The following DLG2 variants were observed in gnomAD, a reference collection of about 807,000 sequenced individuals.
The protein encoded by DLG2 is discs large MAGUK scaffold protein 2, also known as disks large homolog 2.
Under a neutral mutation model 132.5 loss-of-function variants are expected in DLG2, and 45 were observed. The observed-to-expected ratio is 0.34, with a 90% CI of 0.27 to 0.44. The LOEUF (loss-of-function observed/expected upper bound fraction) is 0.44. Among genes scored for constraint, DLG2 ranks in the 20% least tolerant of loss-of-function variants. The pLI, the probability that DLG2 is intolerant of heterozygous loss-of-function variation, is 1.00. For missense variants in DLG2, 1,045 were observed against 1,196.9 expected (o/e 0.87, Z 1.87); for synonymous variants, 424 against 419.6 (o/e 1.01, Z -0.13).
intron 7 of DLG2, among the ~76,000 whole-genome samples, chr11:84,256,075 T>C (rs988315116): frequency 6.6e-6 from 1 of 152,118 alleles, no homozygotes; most frequent in Non-Finnish European, 1.5e-5. Flanking sequence ...TCATGTGACA[T>C]ACAAATGTTC....
At chr11:85,002,209 C>G (rs767625129) in intron 6 of DLG2, among the ~76,000 whole-genome samples, 2 of 152,056 alleles carry the variant, frequency 1.3e-5, no homozygotes. Context: ...TTTTGAGAAG[C>G]TATAATTTCC....
intron 16 of DLG2, among the ~76,000 whole-genome samples, chr11:83,868,709 A>G (rs969524318): frequency 1.3e-5 from 2 of 151,054 alleles, no homozygotes; most frequent in African/African-American, 4.9e-5. Context: ...CAGCGACCCT[A>G]GCAACTAACA....
At chr11:83,532,934 A>G (rs2095792992) in intron 20 of DLG2, 151 bp from the exon 21 acceptor site, 2 of 674,540 alleles carry the variant, frequency 3.0e-6, no homozygotes, top group East Asian at 2.9e-5. Context: ...CATATAAAAA[A>G]TCTTGGTACA....
chr11:84,238,258 T>G (rs1300971141), intron 8 of DLG2, among the ~76,000 whole-genome samples: 2 of 152,072 alleles, frequency 1.3e-5, no homozygotes, highest in South Asian at 2.1e-4. Context: ...CTTACACCTG[T>G]CATTCCAATA....
At chr11:84,880,008 G>T (rs1289456637) in intron 6 of DLG2, among the ~76,000 whole-genome samples, 1 of 152,022 alleles carries the variant, frequency 6.6e-6, no homozygotes, top group Non-Finnish European at 1.5e-5. Flanking sequence ...AAGCAAGCTG[G>T]AAATAAGAAT....
At chr11:83,566,533 C>T (rs935717404) in intron 19 of DLG2, among the ~76,000 whole-genome samples, 11 of 152,220 alleles carry the variant, frequency 7.2e-5, no homozygotes, top group African/African-American at 2.6e-4. Flanking sequence ...ACTTGACCAC[C>T]TAGAAAACCT....
At chr11:85,146,958 C>A (rs1406560873) in intron 5 of DLG2, among the ~76,000 whole-genome samples, 1 of 152,192 alleles carries the variant, frequency 6.6e-6, no homozygotes, top group Non-Finnish European at 1.5e-5. Context: ...CATCTGTGGA[C>A]ACCGGTGGAA....
chr11:84,775,678 T>TA (rs1453972858), intron 6 of DLG2, among the ~76,000 whole-genome samples: 1 of 152,080 alleles, frequency 6.6e-6, no homozygotes, highest in Non-Finnish European at 1.5e-5. Flanking sequence ...GAAAGCTAAA[T>TA]ACCACATGTT....
chr11:85,054,520 G>T (rs1194956840), intron 6 of DLG2, among the ~76,000 whole-genome samples: 1 of 152,082 alleles, frequency 6.6e-6, no homozygotes, highest in African/African-American at 2.4e-5. Flanking sequence ...CCATTACTTG[G>T]TGTATACCCA....
chr11:85,581,544 G>A (rs914748748), intron 3 of DLG2, among the ~76,000 whole-genome samples: 1 of 152,100 alleles, frequency 6.6e-6, no homozygotes, highest in Non-Finnish European at 1.5e-5. Flanking sequence ...CTTGAACCTG[G>A]GAGGTGGAGG....
Position 83,671,563 on chromosome 11 carries a change from G to A in DLG2, c.1826-38238C>T, listed in dbSNP as rs2076828075. 2.0e-5 allele frequency among the ~76,000 whole-genome samples: 3 copies of A among 152,210 alleles called. No individual in the cohort carries two copies. In the South Asian group the frequency reaches 6.2e-4, roughly 31 times the overall value. On this transcript the variant is annotated intron_variant, in intron 18 of 27. Transcript: ENST00000376104. ...ATGTAGTTAAAGAAATAAGCTGTGA[G>A]TATTTGGGATATAGCAAGAAAGACC...
intron 21 of DLG2, among the ~76,000 whole-genome samples, chr11:83,517,149 T>G (rs1052187590): frequency 2.0e-5 from 3 of 152,332 alleles, no homozygotes; most frequent in Admixed American, 2.0e-4. Flanking sequence ...TCCCCGTCAC[T>G]TTCAGGTACA....
At chr11:85,191,192 A>ACACACT in intron 4 of DLG2, among the ~76,000 whole-genome samples, 1 of 151,538 alleles carries the variant, frequency 6.6e-6, no homozygotes. Context: ...ACACACACAC[A>ACACACT]CACACACACA....
At chr11:84,410,213 G>A (rs2098892311) in intron 7 of DLG2, among the ~76,000 whole-genome samples, 1 of 152,116 alleles carries the variant, frequency 6.6e-6, no homozygotes, top group Non-Finnish European at 1.5e-5. Flanking sequence ...GAGGTTAAAT[G>A]ACTCATGCCA....
At chr11:84,767,135 A>G (rs75182528) in intron 6 of DLG2, among the ~76,000 whole-genome samples, 11,847 of 152,182 alleles carry the variant, frequency 0.078, 590 homozygotes, top group Non-Finnish European at 0.12. Flanking sequence ...TATTTTAAGT[A>G]TAACCATATT....
intron 7 of DLG2, among the ~76,000 whole-genome samples, chr11:84,504,799 G>A (rs1179608995): frequency 6.9e-6 from 1 of 145,872 alleles, no homozygotes; most frequent in African/African-American, 2.6e-5. Context: ...AAGTCAATGT[G>A]TTGACTCCAT....
chr11:84,556,472 GAGA>G (rs1319828703), intron 6 of DLG2, among the ~76,000 whole-genome samples: 2 of 152,178 alleles, frequency 1.3e-5, no homozygotes, highest in Admixed American at 1.3e-4. Context: ...GCCACAATGG[GAGA>G]AGAATTGTCT....
intron 3 of DLG2, among the ~76,000 whole-genome samples, chr11:85,389,805 A>G (rs1181986830): frequency 6.6e-6 from 1 of 152,188 alleles, no homozygotes; most frequent in Non-Finnish European, 1.5e-5. Flanking sequence ...TCAGACGAAC[A>G]AATGCTGAGA....
At chr11:84,164,420 G>GACT (rs1357816573) in intron 8 of DLG2, among the ~76,000 whole-genome samples, 1 of 152,142 alleles carries the variant, frequency 6.6e-6, no homozygotes, top group African/African-American at 2.4e-5. Context: ...CAGCCAGAAG[G>GACT]ACTACATTTT....
Sources: allele counts gnomAD v4.1 joint callset (sites outside exome capture counted in the v4.1 genomes callset), GRCh38; gene constraint gnomAD v4.1.1; transcripts MANE v1.5; gene names NCBI Gene and HGNC (gene_info 2026-07-23, HGNC 2026-07-21).